Variants in KCNQ3 observed in about 807,000 individuals in gnomAD.
KCNQ3 encodes potassium voltage-gated channel subfamily Q member 3, also known as potassium voltage-gated channel subfamily KQT member 3.
Under a neutral mutation model 92.5 loss-of-function variants are expected in KCNQ3, and 30 were observed. That is an observed-to-expected ratio of 0.32 (90% CI 0.24 to 0.44). KCNQ3 has a LOEUF of 0.44. Among genes scored for constraint, KCNQ3 ranks in the 20% least tolerant of loss-of-function variants. The pLI, the probability that KCNQ3 is intolerant of heterozygous loss-of-function variation, is 1.00. For missense variants in KCNQ3, 913 were observed against 1,140.3 expected (o/e 0.80, Z 2.87); for synonymous variants, 450 against 468.8 (o/e 0.96, Z 0.52).
chr8:132,479,992 A>ACACACACC (rs1191748667), intron 1 of KCNQ3, among the ~76,000 whole-genome samples, 155 bp downstream of exon 1: 10 of 146,972 alleles, frequency 6.8e-5, no homozygotes, highest in East Asian at 4.3e-4. Context: ...ACACACACAC[A>ACACACACC]CCCAGGGAAA....
chr8:132,379,887 C>CT (rs199901844), intron 1 of KCNQ3, among the ~76,000 whole-genome samples: 11,818 of 133,238 alleles, frequency 0.089, 558 homozygotes, highest in South Asian at 0.18. Flanking sequence ...ATCTTGGCAT[C>CT]TTTTTTTTTT....
chr8:132,455,601 C>T (rs530609408), intron 1 of KCNQ3, among the ~76,000 whole-genome samples: 7 of 152,320 alleles, frequency 4.6e-5, no homozygotes, highest in Admixed American at 4.6e-4. Flanking sequence ...ATCCAAGAGG[C>T]CTGGATTCAT....
At chr8:132,147,718 T>C (rs1468383422) in intron 9 of KCNQ3, among the ~76,000 whole-genome samples, 1 of 152,144 alleles carries the variant, frequency 6.6e-6, no homozygotes, top group African/African-American at 2.4e-5. Flanking sequence ...GCAGTGTGAC[T>C]AGAGTCAAAA....
In KCNQ3 at chr8:132,168,374, A is replaced by G. The variant is rs1001103367; in HGVS notation, c.1235+1960T>C. On this transcript the variant is annotated intron_variant, in intron 8 of 14. Transcript: ENST00000388996. ...TCATTGCCTTCAGGATCAAAGTTAG[A>G]TTCCTCTGCAAGTCACCCGTGACCC... is the stretch of plus-strand genomic sequence containing the variant. Among the ~76,000 whole-genome samples the G allele has an allele frequency of 1.2e-4, 19 of 152,186 alleles. 1 individual carries two copies. The highest frequency in any genetic ancestry group is 1.3e-4 in the Admixed American group (2 of 15,284).
At chr8:132,402,396 A>G (rs1820362263) in intron 1 of KCNQ3, among the ~76,000 whole-genome samples, 1 of 152,194 alleles carries the variant, frequency 6.6e-6, no homozygotes, top group Admixed American at 6.5e-5. Flanking sequence ...TACAAGGCAA[A>G]TCTCAGCTAA....
chr8:132,321,042 C>T (rs1045702240), intron 1 of KCNQ3, among the ~76,000 whole-genome samples: 3 of 152,228 alleles, frequency 2.0e-5, no homozygotes, highest in African/African-American at 7.2e-5. Flanking sequence ...ACCTGGTCTT[C>T]ATTGCTTTCT....
At chr8:132,215,567 G>A (rs1814001716) in intron 1 of KCNQ3, among the ~76,000 whole-genome samples, 1 of 152,202 alleles carries the variant, frequency 6.6e-6, no homozygotes, top group African/African-American at 2.4e-5. Context: ...TCCATGCTCT[G>A]CCCCATTTCT....
At chr8:132,135,288 A>G (rs1374574225) in intron 12 of KCNQ3, among the ~76,000 whole-genome samples, 2 of 151,098 alleles carry the variant, frequency 1.3e-5, no homozygotes, top group Non-Finnish European at 3.0e-5. Context: ...TCTGTGAGTC[A>G]TTGGTTCCTG....
Position 132,171,105 on chromosome 8 carries a change from A to G in KCNQ3, c.1141-677T>C, listed in dbSNP as rs528619897. Among the ~76,000 whole-genome samples the G allele has an allele frequency of 1.4e-4, 22 of 152,328 alleles. No homozygotes were observed. In the East Asian group the frequency reaches 4.2e-3, roughly 29 times the overall value. The stretch of plus-strand genomic sequence containing the variant: ...AAGATTCCCTGAGACTTCTCAGTCA[A>G]ATATATAGGAGAACAGAGTCTTTTG... On this transcript the variant is annotated intron_variant, in intron 7 of 14. Coordinates refer to ENST00000388996, the MANE Select transcript of KCNQ3 (RefSeq NM_004519.4).
chr8:132,456,605 T>C (rs528250914), intron 1 of KCNQ3, among the ~76,000 whole-genome samples: 16 of 145,340 alleles, frequency 1.1e-4, no homozygotes, highest in African/African-American at 4.1e-4. Context: ...TTTTTTTTAT[T>C]TTATTTATTT....
intron 1 of KCNQ3, among the ~76,000 whole-genome samples, chr8:132,436,009 TA>T (rs1013325773): frequency 6.6e-6 from 1 of 152,248 alleles, no homozygotes; most frequent in Non-Finnish European, 1.5e-5. Context: ...ATGGCTTTTT[TA>T]AAACATCTCA....
chr8:132,310,301 G>A (rs1277979864), intron 1 of KCNQ3, among the ~76,000 whole-genome samples: 1 of 152,106 alleles, frequency 6.6e-6, no homozygotes, highest in Non-Finnish European at 1.5e-5. Flanking sequence ...GCAACCTCGG[G>A]TCCATCTCCA....
intron 14 of KCNQ3, 88 bp from the exon 15 acceptor site, chr8:132,130,084 GT>G (rs368892862): frequency 0.012 from 13,813 of 1,127,608 alleles, 141 homozygotes; most frequent in East Asian, 0.029. Context: ...CTTTTTTTTT[GT>G]TTTTTTTTTT....
Position 132,124,574 on chromosome 8 carries a change from T to C in KCNQ3, c.*4688A>G, listed in dbSNP as rs1486356358. 1.3e-5 allele frequency: 2 copies of C among 152,238 alleles called. No homozygotes were observed. The highest frequency in any genetic ancestry group is 1.9e-4 in the East Asian group (1 of 5,204). 9.4% of individuals were successfully genotyped at this position (152,238 alleles called of 1,614,324 possible). ...CACTAAAGCTATGCAGATAGCCTGG[T>C]CCTAACATGTTCTAAACTGGGCATT... On this transcript the variant is annotated 3_prime_UTR_variant, in exon 15 of 15. Transcript: ENST00000388996.
intron 1 of KCNQ3, among the ~76,000 whole-genome samples, chr8:132,386,116 G>A (rs1206315448): frequency 3.9e-5 from 6 of 152,178 alleles, no homozygotes; most frequent in South Asian, 2.1e-4. Flanking sequence ...CTTGATACAC[G>A]TTCCTAAAAA....
chr8:132,404,649 TTGCAATAAATCCCTTTATA>T (rs1294318105), intron 1 of KCNQ3, among the ~76,000 whole-genome samples: 1 of 152,168 alleles, frequency 6.6e-6, no homozygotes, highest in East Asian at 1.9e-4. Flanking sequence ...AGCCAACTCC[TTGCAATAAATCCCTTTATA>T]TGTCTCCTTC....
chr8:132,399,491 G>C (rs1201168877), intron 1 of KCNQ3, among the ~76,000 whole-genome samples: 1 of 152,162 alleles, frequency 6.6e-6, no homozygotes, highest in African/African-American at 2.4e-5. Flanking sequence ...GAGGCCCACA[G>C]AGATAGGAGA....
chr8:132,216,607 T>C (rs1586836019), intron 1 of KCNQ3, among the ~76,000 whole-genome samples: 3 of 152,238 alleles, frequency 2.0e-5, no homozygotes, highest in African/African-American at 7.2e-5. Context: ...TTTGATTGCA[T>C]AGACCCCAGC....
rs79953574 is a variant in KCNQ3, at chr8:132,128,434, A to G, written c.*828T>C. On this transcript the variant is annotated 3_prime_UTR_variant, in exon 15 of 15. Coordinates refer to ENST00000388996, the MANE Select transcript of KCNQ3 (RefSeq NM_004519.4). ...AAGGCACTGAACTCAGCTCCTGCCCAGAGGGGCACTTCACTTCTGATAAAT... is the reference window on the plus strand; with the variant it reads ...AAGGCACTGAACTCAGCTCCTGCCCGGAGGGGCACTTCACTTCTGATAAAT... 131 of 152,306 alleles carry G rather than the reference A, an allele frequency of 8.6e-4. 5 individuals carry two copies. Among genetic ancestry groups the G allele is most frequent in the Non-Finnish European group, 4.4e-4 (30 of 68,040 alleles). The allele number at this position is 152,306 out of a possible 1,614,324, so 9.4% of individuals were successfully genotyped here.
Sources: gnomAD v4.1 joint callset for allele counts (sites outside exome capture counted in the v4.1 genomes callset) on GRCh38, gnomAD v4.1.1 for gene constraint, MANE v1.5 for transcripts, NCBI Gene and HGNC (gene_info 2026-07-23, HGNC 2026-07-21) for gene names.